The following SULF1 variants were observed in gnomAD, a reference collection of about 807,000 sequenced individuals.
SULF1 encodes the protein extracellular sulfatase Sulf-1.
In SULF1, 46 loss-of-function variants were observed where a neutral mutation model predicts 110.5. The observed-to-expected ratio is 0.42, with a 90% confidence interval of 0.33 to 0.53. SULF1 has a LOEUF of 0.53. Among genes scored for constraint, SULF1 ranks in the 20% least tolerant of loss-of-function variants. The pLI, the probability that SULF1 is intolerant of heterozygous loss-of-function variation, is 0.12. For synonymous variants in SULF1, 371 were observed against 387.1 expected, an observed-to-expected ratio of 0.96 and a Z score of 0.49; for missense variants, 941 against 1,094.2, an observed-to-expected ratio of 0.86 and a Z score of 1.98.
At chr8:69,474,554 T>C (rs1809223611) in intron 1 of SULF1, among the ~76,000 whole-genome samples, 1 of 152,148 alleles carries the variant, frequency 6.6e-6, no homozygotes, top group East Asian at 1.9e-4. Context: ...CAAATCATGT[T>C]CTCTTTTTTT....
chr8:69,596,510 T>A (rs1386719383), intron 8 of SULF1, among the ~76,000 whole-genome samples: 1 of 152,174 alleles, frequency 6.6e-6, no homozygotes, highest in African/African-American at 2.4e-5. Flanking sequence ...GATATCTGAT[T>A]GGGAAGCAGA....
intron 3 of SULF1, among the ~76,000 whole-genome samples, chr8:69,553,500 G>T (rs1337745633): frequency 6.6e-6 from 1 of 152,218 alleles, no homozygotes; most frequent in Non-Finnish European, 1.5e-5. Context: ...GCCAGACTTA[G>T]TAGACTTCTA....
rs1461490975 is a variant in SULF1 at position 69,627,309 on chromosome 8, T to G, written c.1947+3T>G. 6.2e-7 allele frequency: 1 copy of G among 1,610,540 alleles called. No individual in the cohort carries two copies. The highest frequency in any genetic ancestry group is 1.3e-5 in the African/African-American group (1 of 74,852). Reference sequence around the variant, plus strand: ...ATAAGGCATACATTGACAAAGAGGTTAGCCATGGCTATGTGACTGTCAGAT... The same window carrying G: ...ATAAGGCATACATTGACAAAGAGGTGAGCCATGGCTATGTGACTGTCAGAT... On this transcript the variant is annotated splice_donor_region_variant and intron_variant, in intron 16 of 22. Coordinates refer to ENST00000402687, the MANE Select transcript of SULF1 (RefSeq NM_001128205.2).
At chr8:69,602,987 C>T (rs1197301727) in intron 10 of SULF1, among the ~76,000 whole-genome samples, 9 of 152,116 alleles carry the variant, frequency 5.9e-5, no homozygotes, top group African/African-American at 2.2e-4. Flanking sequence ...TCCAGCCTGA[C>T]CCTGGCAAGA....
At chr8:69,625,275 G>T (rs926797047) in intron 15 of SULF1, among the ~76,000 whole-genome samples, 1 of 152,198 alleles carries the variant, frequency 6.6e-6, no homozygotes, top group South Asian at 2.1e-4. Context: ...GTTCATGAGG[G>T]TGTGAGCATT....
intron 13 of SULF1, among the ~76,000 whole-genome samples, chr8:69,610,835 G>A (rs1252379437): frequency 6.6e-6 from 1 of 151,996 alleles, no homozygotes; most frequent in Non-Finnish European, 1.5e-5. Flanking sequence ...TTTCTTAAAT[G>A]TTACATGTGA....
chr8:69,581,588 G>A lies in SULF1; in HGVS notation c.413-4769G>A, dbSNP rs1313899785. ...CATTAGTGATGTATTCAGATAGTAG[G>A]AGTTGAATTGAATTGCCAATGCCGA... On this transcript the variant is annotated intron_variant, in intron 6 of 22. Transcript: ENST00000402687. 2.0e-5 allele frequency among the ~76,000 whole-genome samples: 3 copies of A among 152,200 alleles called. No individual in the cohort carries two copies. The East Asian group carries it at 5.8e-4, about 29-fold the overall frequency.
intron 6 of SULF1, among the ~76,000 whole-genome samples, chr8:69,579,058 G>A (rs940577405): frequency 6.6e-6 from 1 of 151,672 alleles, no homozygotes; most frequent in African/African-American, 2.4e-5. Flanking sequence ...CTACTTGGGA[G>A]GCTGAGGCAG....
At chr8:69,521,902 G>C (rs1812330832) in intron 3 of SULF1, among the ~76,000 whole-genome samples, 1 of 151,866 alleles carries the variant, frequency 6.6e-6, no homozygotes, top group Non-Finnish European at 1.5e-5. Context: ...TTTAGATTTG[G>C]TGATAGCAAT....
chr8:69,508,192 G>A (rs1341257884), intron 3 of SULF1, among the ~76,000 whole-genome samples: 2 of 151,520 alleles, frequency 1.3e-5, no homozygotes, highest in East Asian at 1.9e-4. Flanking sequence ...ATCAACCTCC[G>A]CCTCCTGGGT....
chr8:69,515,146 C>A (rs1287569683), intron 3 of SULF1, among the ~76,000 whole-genome samples: 1 of 152,178 alleles, frequency 6.6e-6, no homozygotes, highest in African/African-American at 2.4e-5. Flanking sequence ...CATTTCCCCT[C>A]CATACTTCCG....
At chr8:69,634,664 G>A (rs1174873351) in intron 19 of SULF1, among the ~76,000 whole-genome samples, 2 of 152,066 alleles carry the variant, frequency 1.3e-5, no homozygotes, top group African/African-American at 4.8e-5. Flanking sequence ...GGGAGGCTGA[G>A]GTGGGAGAGT....
chr8:69,529,151 G>A lies in SULF1; in HGVS notation c.-134+27183G>A, dbSNP rs139997843. Among the ~76,000 whole-genome samples the A allele has an allele frequency of 2.2e-4, 33 of 152,278 alleles. No individual in the cohort carries two copies. In the East Asian group the frequency reaches 5.0e-3, roughly 23 times the overall value. On this transcript the variant is annotated intron_variant, in intron 3 of 22. Transcript: ENST00000402687. ...TAACCTGTGCCAGGTGTCACAGCTA[G>A]CAAAGGGGCAGAGCTCCCGTCAGAC...
intron 3 of SULF1, among the ~76,000 whole-genome samples, chr8:69,525,435 A>C (rs941820684): frequency 2.0e-5 from 3 of 152,198 alleles, no homozygotes; most frequent in African/African-American, 7.2e-5. Flanking sequence ...CATGGTGAGC[A>C]GTGGCAAGGA....
At position 69,659,687 on chromosome 8, in the gene SULF1, C is replaced by T. The variant is rs1415966186; in HGVS notation, c.*1152C>T. The T allele has an allele frequency of 1.3e-5, 2 of 154,834 alleles. No homozygotes were observed. The highest frequency in any genetic ancestry group is 2.4e-5 in the African/African-American group (1 of 41,384). 9.6% of individuals were successfully genotyped at this position (154,834 alleles called of 1,614,324 possible). A position where few individuals can be genotyped will look rare whatever the true frequency, so the allele number is the denominator to read the frequency against. ...TTCTGAGTGTCTAAAACTTGACACC[C>T]CTGGTAAATCTTTCAACACACTTCC... On this transcript the variant is annotated 3_prime_UTR_variant, in exon 23 of 23. Coordinates refer to ENST00000402687, the MANE Select transcript of SULF1 (RefSeq NM_001128205.2).
At position 69,617,067 on chromosome 8, in the gene SULF1, G is replaced by T. The variant is rs1762644820; in HGVS notation, c.1378-3968G>T. 2.0e-5 allele frequency among the ~76,000 whole-genome samples: 3 copies of T among 152,042 alleles called. No homozygotes were observed. In the South Asian group the frequency reaches 6.2e-4, roughly 32 times the overall value. Reference sequence around the variant, plus strand: ...TGGATTTAAGACAGATATACATACAGACAGACACTCAAATGCTACTGATTC... The same window carrying T: ...TGGATTTAAGACAGATATACATACATACAGACACTCAAATGCTACTGATTC... On this transcript the variant is annotated intron_variant, in intron 13 of 22. Transcript: ENST00000402687.
chr8:69,615,143 T>C (rs1181478987), intron 13 of SULF1, among the ~76,000 whole-genome samples: 5 of 151,982 alleles, frequency 3.3e-5, no homozygotes, highest in Non-Finnish European at 7.3e-5. Context: ...CATTAGCAGG[T>C]GCCTCACCTG....
intron 5 of SULF1, among the ~76,000 whole-genome samples, chr8:69,572,837 T>C (rs1805328732): frequency 6.6e-6 from 1 of 152,194 alleles, no homozygotes; most frequent in South Asian, 2.1e-4. Flanking sequence ...CTTTTTGTTT[T>C]GTTTTTATGA....
rs1489368910 is a variant in SULF1, at chr8:69,586,290, A to G, written c.413-67A>G. On this transcript the variant is annotated intron_variant, in intron 6 of 22. Coordinates refer to ENST00000402687, the MANE Select transcript of SULF1 (RefSeq NM_001128205.2). ...CGTCTCTTTTTCAAGTCATAATTTTATACTTATCCATTTATTTATGATTAA... is the reference window on the plus strand; with the variant it reads ...CGTCTCTTTTTCAAGTCATAATTTTGTACTTATCCATTTATTTATGATTAA... The G allele has an allele frequency of 6.9e-6, 10 of 1,458,580 alleles. No homozygotes were observed. The South Asian group carries it at 8.6e-5, about 13-fold the overall frequency. 90.4% of individuals were successfully genotyped at this position (1,458,580 alleles called of 1,614,324 possible).
Sources: allele counts gnomAD v4.1 joint callset (sites outside exome capture counted in the v4.1 genomes callset), GRCh38; gene constraint gnomAD v4.1.1; transcripts MANE v1.5; gene names NCBI Gene and HGNC (gene_info 2026-07-23, HGNC 2026-07-21).